Variants in CNTNAP2 observed in about 807,000 individuals in gnomAD.
The protein encoded by CNTNAP2 is contactin associated protein 2, also known as contactin-associated protein-like 2.
Under a neutral mutation model 155.2 loss-of-function variants are expected in CNTNAP2, and 98 were observed. The observed-to-expected ratio is 0.63, with a 90% CI of 0.54 to 0.75. CNTNAP2 has a LOEUF of 0.75. Among genes scored for constraint, CNTNAP2 ranks in the 30% least tolerant of loss-of-function variants. The pLI is 0.00. For synonymous variants in CNTNAP2, 651 were observed against 631.2 expected (o/e 1.03, Z -0.47); for missense variants, 1,727 against 1,688.1 (o/e 1.02, Z -0.40).
At chr7:148,209,037 A>T (rs1393737775) in intron 18 of CNTNAP2, among the ~76,000 whole-genome samples, 1 of 152,160 alleles carries the variant, frequency 6.6e-6, no homozygotes, top group East Asian at 1.9e-4. Context: ...AAATGATTTT[A>T]AAATGAATAT....
At chr7:147,327,237 C>T (rs933344672) in intron 9 of CNTNAP2, among the ~76,000 whole-genome samples, 1 of 152,142 alleles carries the variant, frequency 6.6e-6, no homozygotes, top group African/African-American at 2.4e-5. Context: ...CTCACTAATC[C>T]TCATGATAGC....
At chr7:148,331,374 AGTGG>A (rs1798006308) in intron 21 of CNTNAP2, among the ~76,000 whole-genome samples, 1 of 59,994 alleles carries the variant, frequency 1.7e-5, no homozygotes, top group Non-Finnish European at 3.2e-5. Flanking sequence ...GGAGGGATGG[AGTGG>A]ATGGAGTGGA....
chr7:147,582,634 T>C (rs879775201), intron 12 of CNTNAP2, among the ~76,000 whole-genome samples: 5 of 152,174 alleles, frequency 3.3e-5, no homozygotes, highest in Admixed American at 3.3e-4. Context: ...CAATAGTGAT[T>C]TATCTATCCT....
At chr7:146,922,821 A>G (rs1796532005) in intron 3 of CNTNAP2, among the ~76,000 whole-genome samples, 1 of 152,192 alleles carries the variant, frequency 6.6e-6, no homozygotes, top group Admixed American at 6.5e-5. Context: ...GTTAGTTTCT[A>G]TTACTTAGAG....
chr7:147,938,356 A>T (rs1050671438), intron 14 of CNTNAP2, among the ~76,000 whole-genome samples: 1 of 152,184 alleles, frequency 6.6e-6, no homozygotes, highest in East Asian at 1.9e-4. Context: ...AATTGGATGG[A>T]TTATGATAAA....
intron 12 of CNTNAP2, among the ~76,000 whole-genome samples, chr7:147,596,984 A>AG (rs1305206512): frequency 1.4e-5 from 2 of 143,498 alleles, no homozygotes; most frequent in Non-Finnish European, 3.1e-5. Context: ...TAAAGAAGGG[A>AG]GGAGTCCTCA....
intron 19 of CNTNAP2, among the ~76,000 whole-genome samples, chr7:148,224,804 G>A (rs1198485778): frequency 1.3e-5 from 2 of 152,184 alleles, no homozygotes; most frequent in Non-Finnish European, 2.9e-5. Flanking sequence ...GGGGAAGCAA[G>A]CACGTCCTTC....
intron 15 of CNTNAP2, among the ~76,000 whole-genome samples, chr7:148,035,682 C>T (rs1585089832): frequency 6.6e-6 from 1 of 152,148 alleles, no homozygotes; most frequent in East Asian, 1.9e-4. Flanking sequence ...TAGCAGATTT[C>T]CCACTATGGC....
intron 1 of CNTNAP2, among the ~76,000 whole-genome samples, chr7:146,146,375 C>T (rs907424830): frequency 3.9e-5 from 6 of 152,078 alleles, no homozygotes; most frequent in Middle Eastern, 6.8e-3. Context: ...ATAGGAAGTT[C>T]GCCATTTATT....
At chr7:147,881,262 C>A (rs1489414133) in intron 13 of CNTNAP2, among the ~76,000 whole-genome samples, 2 of 152,070 alleles carry the variant, frequency 1.3e-5, no homozygotes, top group East Asian at 3.8e-4. Flanking sequence ...CCACCAAATG[C>A]AGAAATCTAT....
chr7:146,834,076 A>G (rs562514746), intron 2 of CNTNAP2, among the ~76,000 whole-genome samples: 3 of 152,134 alleles, frequency 2.0e-5, no homozygotes, highest in Non-Finnish European at 4.4e-5. Context: ...TCTAACCCTA[A>G]TTGAATTTTT....
intron 13 of CNTNAP2, among the ~76,000 whole-genome samples, chr7:147,754,307 C>T (rs1797184672): frequency 6.6e-6 from 1 of 152,194 alleles, no homozygotes; most frequent in African/African-American, 2.4e-5. Flanking sequence ...TCATCTTAAA[C>T]TTGATAGTTA....
intron 1 of CNTNAP2, among the ~76,000 whole-genome samples, chr7:146,745,687 A>T (rs1164106814): frequency 6.7e-6 from 1 of 150,310 alleles, no homozygotes; most frequent in Non-Finnish European, 1.5e-5. Flanking sequence ...GAATCGCTTG[A>T]CCCTGGAGGT....
intron 3 of CNTNAP2, among the ~76,000 whole-genome samples, chr7:146,940,906 T>A (rs1270488524): frequency 6.6e-6 from 1 of 152,158 alleles, no homozygotes; most frequent in Non-Finnish European, 1.5e-5. Flanking sequence ...TCTAATTATA[T>A]AATTACCATC....
intron 8 of CNTNAP2, among the ~76,000 whole-genome samples, chr7:147,145,523 T>C (rs1319494086): frequency 6.6e-6 from 1 of 152,116 alleles, no homozygotes; most frequent in African/African-American, 2.4e-5. Context: ...TCTGTTGCAC[T>C]CTGGAAGTTG....
At chr7:146,402,623 A>G (rs1795730266) in intron 1 of CNTNAP2, among the ~76,000 whole-genome samples, 1 of 152,170 alleles carries the variant, frequency 6.6e-6, no homozygotes, top group South Asian at 2.1e-4. Flanking sequence ...AGTACAGTAT[A>G]CTGTGAGATA....
At chr7:146,982,223 C>T (rs1798031358) in intron 3 of CNTNAP2, among the ~76,000 whole-genome samples, 1 of 152,040 alleles carries the variant, frequency 6.6e-6, no homozygotes, top group African/African-American at 2.4e-5. Flanking sequence ...AAATTTTACC[C>T]AAAGCTGTGT....
intron 12 of CNTNAP2, among the ~76,000 whole-genome samples, chr7:147,615,797 C>T (rs1424974158): frequency 6.6e-6 from 1 of 152,006 alleles, no homozygotes; most frequent in Admixed American, 6.6e-5. Flanking sequence ...GATCATATTA[C>T]CCATACTTTC....
intron 3 of CNTNAP2, among the ~76,000 whole-genome samples, chr7:146,902,032 C>T (rs1274615311): frequency 6.6e-6 from 1 of 151,886 alleles, no homozygotes; most frequent in East Asian, 1.9e-4. Context: ...CCTGCCACCT[C>T]GCCCGGCTAA....
Sources: gnomAD v4.1 joint callset for allele counts (sites outside exome capture counted in the v4.1 genomes callset) on GRCh38, gnomAD v4.1.1 for gene constraint, MANE v1.5 for transcripts, NCBI Gene and HGNC (gene_info 2026-07-23, HGNC 2026-07-21) for gene names.